Variants in E2F6 observed in about 807,000 individuals in gnomAD.
E2F6 encodes the protein transcription factor E2F6.
Under a neutral mutation model 31.5 loss-of-function variants are expected in E2F6, and 19 were observed. That is an observed-to-expected ratio of 0.60 (90% confidence interval 0.42 to 0.89). The LOEUF is 0.89. Ranked by LOEUF, E2F6 falls within the 40% of genes least tolerant of loss-of-function variation. E2F6 has a pLI of 0.00. For missense variants in E2F6, 269 were observed against 341.6 expected (o/e 0.79, Z 1.67); for synonymous variants, 121 against 127.7 (o/e 0.95, Z 0.36).
At chr2:11,453,896 C>CT in intron 2 of E2F6, 98 bp from the exon 3 acceptor site, 1 of 1,033,342 alleles carries the variant, frequency 9.7e-7, no homozygotes, top group Non-Finnish European at 1.4e-6. Flanking sequence ...TAGCAGACAT[C>CT]TACAGAAATG....
intron 6 of E2F6, among the ~76,000 whole-genome samples, chr2:11,446,800 G>A (rs920670083): frequency 8.5e-5 from 13 of 152,156 alleles, no homozygotes; most frequent in African/African-American, 2.9e-4. Flanking sequence ...GAGCCGTCAC[G>A]ACTCCCCCAG....
At chr2:11,464,378 G>A (rs541813660) in intron 1 of E2F6, among the ~76,000 whole-genome samples, 2 of 151,952 alleles carry the variant, frequency 1.3e-5, no homozygotes, top group South Asian at 4.2e-4. Context: ...TTAGCCGTGC[G>A]TGGTGGCGGG....
intron 6 of E2F6, 90 bp downstream of exon 6, chr2:11,447,537 G>A: frequency 7.2e-7 from 1 of 1,393,726 alleles, no homozygotes; most frequent in Non-Finnish European, 9.8e-7. Context: ...TTGTGGCTAG[G>A]AAGAGTAAAA....
At chr2:11,465,684 G>T in intron 1 of E2F6, 88 bp downstream of exon 1, 1 of 1,402,008 alleles carries the variant, frequency 7.1e-7, no homozygotes, top group Non-Finnish European at 9.8e-7. Context: ...CGACCCAGAC[G>T]ACGGCCAGCG....
intron 1 of E2F6, among the ~76,000 whole-genome samples, chr2:11,464,483 C>T (rs1672004402): frequency 7.0e-6 from 1 of 142,588 alleles, no homozygotes; most frequent in South Asian, 2.2e-4. Flanking sequence ...GGCCACTGCA[C>T]TCCAGCCTGG....
intron 3 of E2F6, among the ~76,000 whole-genome samples, chr2:11,453,257 T>C (rs1235469919): frequency 2.0e-5 from 3 of 152,196 alleles, no homozygotes; most frequent in Non-Finnish European, 2.9e-5. Flanking sequence ...GAATGTACTT[T>C]CCTGCTTTCC....
At chr2:11,462,309 T>C (rs921353618) in intron 1 of E2F6, among the ~76,000 whole-genome samples, 3 of 152,190 alleles carry the variant, frequency 2.0e-5, no homozygotes, top group East Asian at 3.8e-4. Flanking sequence ...CCAATCTCTA[T>C]ATATACTATT....
intron 1 of E2F6, 51 bp downstream of exon 1, chr2:11,465,721 G>C (rs1339740638): frequency 1.3e-6 from 2 of 1,540,258 alleles, no homozygotes; most frequent in African/African-American, 1.4e-5. Flanking sequence ...GGGGAGGAGG[G>C]GGCCGGATTT....
rs895277079 is a variant in E2F6 at position 11,445,141 on chromosome 2, G to T, written c.*1336C>A. 2 of 152,138 alleles carry T rather than the reference G, an allele frequency of 1.3e-5. No individual in the cohort carries two copies. The highest frequency in any genetic ancestry group is 4.8e-5 in the African/African-American group (2 of 41,422). 9.4% of individuals were successfully genotyped at this position (152,138 alleles called of 1,614,324 possible). ...CATTATTTTTTAATACTTTGATTTT[G>T]GATTCCGATTTTAAATCTTTTTAAA... On this transcript the variant is annotated 3_prime_UTR_variant, in exon 7 of 7. Coordinates refer to ENST00000381525, the MANE Select transcript of E2F6 (RefSeq NM_198256.4).
At chr2:11,464,660 G>A (rs1457259399) in intron 1 of E2F6, among the ~76,000 whole-genome samples, 1 of 151,984 alleles carries the variant, frequency 6.6e-6, no homozygotes, top group African/African-American at 2.4e-5. Context: ...TTTATCATCT[G>A]GAGTTAGACA....
At chr2:11,465,663 G>C (rs1672134877) in intron 1 of E2F6, 109 bp downstream of exon 1, 4 of 1,141,254 alleles carry the variant, frequency 3.5e-6, no homozygotes, top group Non-Finnish European at 5.1e-6. Flanking sequence ...GCCTGGCCCA[G>C]GGGGAGCAGA....
intron 1 of E2F6, chr2:11,458,320 G>A: frequency 6.4e-7 from 1 of 1,551,780 alleles, no homozygotes; most frequent in Non-Finnish European, 8.7e-7. Context: ...GCTGAGCCTA[G>A]CCCAGCAAGC....
intron 1 of E2F6, among the ~76,000 whole-genome samples, chr2:11,464,305 G>C (rs538377404): frequency 2.6e-5 from 4 of 152,070 alleles, no homozygotes; most frequent in African/African-American, 9.6e-5. Context: ...ACGAGGTCAG[G>C]AGATTGAGAC....
intron 2 of E2F6, among the ~76,000 whole-genome samples, chr2:11,456,184 A>C (rs1012053418): frequency 6.6e-6 from 1 of 152,238 alleles, no homozygotes; most frequent in Non-Finnish European, 1.5e-5. Flanking sequence ...TATGAATTTA[A>C]TGCAAACACT....
intron 2 of E2F6, chr2:11,455,313 A>G: frequency 8.9e-7 from 1 of 1,122,304 alleles, no homozygotes; most frequent in South Asian, 2.4e-5. Context: ...CACCACAGTC[A>G]GTATGCCTCA....
chr2:11,448,218 C>A (rs1273866680), intron 5 of E2F6, among the ~76,000 whole-genome samples: 1 of 152,118 alleles, frequency 6.6e-6, no homozygotes, highest in African/African-American at 2.4e-5. Context: ...TCAAAAAAAT[C>A]GTTTACATTA....
At chr2:11,447,820 C>A in intron 5 of E2F6, 46 bp from the exon 6 acceptor site, 1 of 1,578,764 alleles carries the variant, frequency 6.3e-7, no homozygotes, top group South Asian at 1.2e-5. Context: ...AATAATAAAT[C>A]ATATTTTTTC....
In E2F6 at chr2:11,445,878, C is replaced by A. The variant is rs998641683; in HGVS notation, c.*599G>T. 2.0e-5 allele frequency: 3 copies of A among 151,402 alleles called. No homozygotes were observed. The highest frequency in any genetic ancestry group is 4.4e-5 in the Non-Finnish European group (3 of 67,930). The allele number at this position is 151,402 out of a possible 1,614,324, so 9.4% of individuals were successfully genotyped here. On this transcript the variant is annotated 3_prime_UTR_variant, in exon 7 of 7. Transcript: ENST00000381525. ...GAAGTTTGGAAAAAGTCTCTTCTAA[C>A]CCTCATCCAGAGGATTCTAATAAGT...
intron 2 of E2F6, among the ~76,000 whole-genome samples, chr2:11,454,218 C>A (rs555616106): frequency 6.6e-6 from 1 of 152,134 alleles, no homozygotes; most frequent in Non-Finnish European, 1.5e-5. Context: ...AGAGAATTGG[C>A]GGCTTTTTTT....
Sources: allele counts gnomAD v4.1 joint callset (sites outside exome capture counted in the v4.1 genomes callset), GRCh38; gene constraint gnomAD v4.1.1; transcripts MANE v1.5; gene names NCBI Gene and HGNC (gene_info 2026-07-23, HGNC 2026-07-21).